The following LRFN5 variants were observed in gnomAD, a reference collection of about 807,000 sequenced individuals.
LRFN5 encodes the protein leucine rich repeat and fibronectin type III domain containing 5, also known as leucine-rich repeat and fibronectin type-III domain-containing protein 5.
Under a neutral mutation model 45.6 loss-of-function variants are expected in LRFN5, and 24 were observed. The ratio of observed to expected loss-of-function variants is 0.53; its 90% CI spans 0.38 to 0.74. The LOEUF (loss-of-function observed/expected upper bound fraction) is 0.74. LRFN5 is among the 30% of genes least tolerant of loss of function. LRFN5 has a pLI of 0.00. For missense variants in LRFN5, 776 were observed against 861.5 expected, an observed-to-expected ratio of 0.90 and a Z score of 1.24; for synonymous variants, 340 against 313.8, an observed-to-expected ratio of 1.08 and a Z score of -0.88.
intron 1 of LRFN5, among the ~76,000 whole-genome samples, chr14:41,758,100 A>G (rs971384607): frequency 1.3e-5 from 2 of 152,088 alleles, no homozygotes; most frequent in African/African-American, 2.4e-5. Flanking sequence ...TCTTTATCAT[A>G]TCTCTTTCTC....
intron 2 of LRFN5, among the ~76,000 whole-genome samples, chr14:41,817,009 T>TC (rs1270845344): frequency 6.6e-6 from 1 of 151,248 alleles, no homozygotes; most frequent in Non-Finnish European, 1.5e-5. Context: ...TTTTTTTTTT[T>TC]TTTTTTTGAG....
chr14:41,832,453 A>G (rs1737135375), intron 2 of LRFN5, among the ~76,000 whole-genome samples: 2 of 152,298 alleles, frequency 1.3e-5, no homozygotes, highest in African/African-American at 4.8e-5. Context: ...TAATAAAAAC[A>G]TTGTTGTGCC....
chr14:41,744,382 A>G (rs911387856), intron 1 of LRFN5, among the ~76,000 whole-genome samples: 2 of 152,094 alleles, frequency 1.3e-5, no homozygotes, highest in Non-Finnish European at 2.9e-5. Context: ...ATAAATAAAT[A>G]GGAAGAGAGA....
intron 1 of LRFN5, among the ~76,000 whole-genome samples, chr14:41,608,862 T>A (rs532408540): frequency 2.0e-5 from 3 of 152,304 alleles, no homozygotes; most frequent in Admixed American, 6.5e-5. Context: ...GAGATCAAAA[T>A]TCTGTGTTTC....
intron 2 of LRFN5, among the ~76,000 whole-genome samples, chr14:41,869,435 TTTTTTAAAAAAAGG>T (rs1889944513): frequency 6.6e-6 from 1 of 151,878 alleles, no homozygotes; most frequent in Admixed American, 6.6e-5. Context: ...CAGCTTTTTT[TTTTTTAAAAAAAGG>T]TTTTTATTAG....
intron 2 of LRFN5, among the ~76,000 whole-genome samples, chr14:41,838,714 T>G (rs1888751863): frequency 6.6e-6 from 1 of 152,168 alleles, no homozygotes; most frequent in Admixed American, 6.6e-5. Context: ...CATTAAATAA[T>G]GAGTGTCTTA....
intron 1 of LRFN5, among the ~76,000 whole-genome samples, chr14:41,633,313 T>A (rs1471456201): frequency 6.6e-6 from 1 of 152,174 alleles, no homozygotes; most frequent in South Asian, 2.1e-4. Flanking sequence ...CAATTCAGAA[T>A]GTTAAAAAAT....
intron 1 of LRFN5, among the ~76,000 whole-genome samples, chr14:41,629,304 A>C (rs1305615226): frequency 6.6e-6 from 1 of 152,172 alleles, no homozygotes; most frequent in Non-Finnish European, 1.5e-5. Flanking sequence ...CAACAGGAGA[A>C]TGGGATTTTA....
At chr14:41,698,970 G>A (rs928982016) in intron 1 of LRFN5, among the ~76,000 whole-genome samples, 1 of 151,946 alleles carries the variant, frequency 6.6e-6, no homozygotes, top group African/African-American at 2.4e-5. Flanking sequence ...AAACAGAAAA[G>A]CAATCAAAAC....
At chr14:41,900,902 G>A (rs1891081920) in intron 5 of LRFN5, among the ~76,000 whole-genome samples, 1 of 151,962 alleles carries the variant, frequency 6.6e-6, no homozygotes, top group African/African-American at 2.4e-5. Flanking sequence ...GTGGAGAGCG[G>A]GCAGAGACCC....
intron 1 of LRFN5, among the ~76,000 whole-genome samples, chr14:41,729,900 C>G (rs906663371): frequency 6.6e-6 from 1 of 151,668 alleles, no homozygotes; most frequent in African/African-American, 2.4e-5. Context: ...TTTAAGAAAG[C>G]AACACTTTGT....
At chr14:41,658,034 T>C (rs935898907) in intron 1 of LRFN5, among the ~76,000 whole-genome samples, 1 of 151,924 alleles carries the variant, frequency 6.6e-6, no homozygotes, top group Admixed American at 6.6e-5. Flanking sequence ...CATTTAAAAA[T>C]ACCTTATGAG....
At chr14:41,795,756 T>C (rs1174099556) in intron 2 of LRFN5, among the ~76,000 whole-genome samples, 2 of 150,052 alleles carry the variant, frequency 1.3e-5, no homozygotes, top group African/African-American at 2.4e-5. Context: ...GTGGGGAACA[T>C]CACACACCAG....
intron 2 of LRFN5, among the ~76,000 whole-genome samples, chr14:41,772,938 T>G (rs1000385564): frequency 6.6e-6 from 1 of 152,200 alleles, no homozygotes; most frequent in Non-Finnish European, 1.5e-5. Flanking sequence ...CTGTGATTTC[T>G]CCCGTAGACT....
chr14:41,896,358 C>T (rs1424542985), intron 4 of LRFN5, among the ~76,000 whole-genome samples: 3 of 152,158 alleles, frequency 2.0e-5, no homozygotes, highest in South Asian at 2.1e-4. Flanking sequence ...AGACTATCTA[C>T]GATCTTTCCT....
chr14:41,618,024 T>C (rs1015072684), intron 1 of LRFN5, among the ~76,000 whole-genome samples: 1 of 152,150 alleles, frequency 6.6e-6, no homozygotes, highest in African/African-American at 2.4e-5. Context: ...GTGTTACTCC[T>C]GTTACCTCTT....
chr14:41,679,006 G>A (rs1597053), intron 1 of LRFN5, among the ~76,000 whole-genome samples: 84,180 of 151,862 alleles, frequency 0.55, 25,488 homozygotes, highest in East Asian at 0.98. Context: ...GTCACAGCAG[G>A]ATGCAACACC....
At chr14:41,684,311 T>A (rs1215461619) in intron 1 of LRFN5, among the ~76,000 whole-genome samples, 1 of 152,088 alleles carries the variant, frequency 6.6e-6, no homozygotes, top group Non-Finnish European at 1.5e-5. Context: ...TGTAAAAGAC[T>A]GGATAATTTA....
chr14:41,804,514 T>C (rs1442428584), intron 2 of LRFN5, among the ~76,000 whole-genome samples: 4 of 152,192 alleles, frequency 2.6e-5, no homozygotes, highest in Admixed American at 6.5e-5. Flanking sequence ...CATTTATGTC[T>C]ACATCTTGGC....
Sources: allele counts gnomAD v4.1 joint callset (sites outside exome capture counted in the v4.1 genomes callset), GRCh38; gene constraint gnomAD v4.1.1; transcripts MANE v1.5; gene names NCBI Gene and HGNC (gene_info 2026-07-23, HGNC 2026-07-21).